Variants in SMC2 observed in about 807,000 individuals in gnomAD.
SMC2 encodes the protein structural maintenance of chromosomes protein 2.
Under a neutral mutation model 142.6 loss-of-function variants are expected in SMC2, and 41 were observed. The observed-to-expected ratio is 0.29, with a 90% CI of 0.22 to 0.37. SMC2 has a LOEUF of 0.37. Among genes scored for constraint, SMC2 ranks in the 10% least tolerant of loss-of-function variants. The pLI, the probability that SMC2 is intolerant of heterozygous loss-of-function variation, is 1.00. For synonymous variants in SMC2, 463 were observed against 457.5 expected (o/e 1.01, Z -0.15); for missense variants, 1,265 against 1,373.7 (o/e 0.92, Z 1.25).
In SMC2 at chr9:104,096,104, G is replaced by T. The variant is rs1450589323; in HGVS notation, c.169-44G>T. Reference sequence around the variant, plus strand: ...CCCATTTTTAGTGCTGCTTTGTACGGTAGGGAGTTTTGTAATTGTTACACT... The same window carrying T: ...CCCATTTTTAGTGCTGCTTTGTACGTTAGGGAGTTTTGTAATTGTTACACT... On this transcript the variant is annotated intron_variant, in intron 2 of 24. Transcript: ENST00000374793. The T allele has an allele frequency of 1.9e-6, 3 of 1,581,224 alleles. No homozygotes were observed. The East Asian group carries it at 6.7e-5, about 35-fold the overall frequency.
At chr9:104,132,869 G>GATTCGTGGACTT (rs1554707997) in intron 22 of SMC2, among the ~76,000 whole-genome samples, 1 of 150,840 alleles carries the variant, frequency 6.6e-6, no homozygotes, top group African/African-American at 2.4e-5. Context: ...TTCCCACCAG[G>GATTCGTGGACTT]ATTCGTGGAC....
At chr9:104,097,854 CAG>C (rs1215553251) in intron 3 of SMC2, among the ~76,000 whole-genome samples, 2 of 152,122 alleles carry the variant, frequency 1.3e-5, no homozygotes, top group African/African-American at 4.8e-5. Context: ...GAATGAGAAA[CAG>C]AGCTTGTCTT....
intron 16 of SMC2, 114 bp downstream of exon 16, chr9:104,120,276 A>G (rs1833582426): frequency 9.9e-7 from 1 of 1,011,312 alleles, no homozygotes; most frequent in East Asian, 2.8e-5. Context: ...TTTTGGTTTT[A>G]TTTAAAATGT....
intron 24 of SMC2, 30 bp from the exon 25 acceptor site, chr9:104,139,109 T>C: frequency 6.7e-7 from 1 of 1,499,930 alleles, no homozygotes; most frequent in Non-Finnish European, 8.9e-7. Context: ...CACAAAAAGT[T>C]TTTTTATACT....
In SMC2 at chr9:104,138,952, T is replaced by A. The variant is rs189856946; in HGVS notation, c.3418-187T>A. 3.4e-3 allele frequency among the ~76,000 whole-genome samples: 524 copies of A among 152,160 alleles called. 1 individual carries two copies. Among genetic ancestry groups the A allele is most frequent in the African/African-American group, 0.012 (505 of 41,504 alleles). On this transcript the variant is annotated intron_variant, in intron 24 of 24. Coordinates refer to ENST00000374793, the MANE Select transcript of SMC2 (RefSeq NM_006444.3). ...ACCAGGAAATAGTAAAATTGGGTAA[T>A]GAAGTACCCAAAGTAAAATTAAGAG...
chr9:104,096,132 TCA>T lies in SMC2; in HGVS notation c.169-15_169-14del, dbSNP rs1205376729. ...GGGAGTTTTGTAATTGTTACACTTT[TCA>T]TATTTTATTTTAGGTTCGGGCTTCT... On this transcript the variant is annotated splice_polypyrimidine_tract_variant and intron_variant, in intron 2 of 24. Transcript: ENST00000374793. The T allele has an allele frequency of 3.7e-6, 6 of 1,608,504 alleles. No homozygotes were observed. Among genetic ancestry groups the T allele is most frequent in the African/African-American group, 2.7e-5 (2 of 74,648 alleles).
chr9:104,111,393 A>ATT (rs1441343021), intron 9 of SMC2, among the ~76,000 whole-genome samples, 188 bp from the exon 10 acceptor site: 1 of 152,212 alleles, frequency 6.6e-6, no homozygotes, highest in African/African-American at 2.4e-5. Flanking sequence ...TAAGAGTTAT[A>ATT]TTTATTCTAA....
upstream of SMC2, chr9:104,094,139 C>G (rs1017143366): frequency 5.3e-6 from 2 of 375,420 alleles, no homozygotes; most frequent in Non-Finnish European, 9.5e-6. Context: ...TGCCCAGGCC[C>G]CTGCCGGGGA....
intron 17 of SMC2, among the ~76,000 whole-genome samples, chr9:104,124,430 G>A (rs1263194134): frequency 2.0e-5 from 3 of 151,946 alleles, no homozygotes; most frequent in Admixed American, 6.6e-5. Flanking sequence ...TTCCTTTGCT[G>A]TATCCCAGGC....
chr9:104,121,943 T>A (rs1833788025), intron 16 of SMC2, among the ~76,000 whole-genome samples: 1 of 152,218 alleles, frequency 6.6e-6, no homozygotes, highest in Non-Finnish European at 1.5e-5. Flanking sequence ...TTAGTAGAGA[T>A]GGAGTTTCAC....
chr9:104,095,466 A>G lies in SMC2; in HGVS notation c.82A>G (p.Asn28Asp). The change falls in exon 2 of 25, where the codon AAT becomes GAT. Residue 28 changes from asparagine to aspartate, a missense_variant. Transcript: ENST00000374793. ...AGTCAATGGTTTTGACCCCCTCTTCAATGCTATCACTGGCTTAAATGGTAG... is the reference window on the plus strand; with the variant it reads ...AGTCAATGGTTTTGACCCCCTCTTCGATGCTATCACTGGCTTAAATGGTAG... Reference protein sequence around the residue: ...TEVNGFDPLFNAITGLNGSGK... With the variant: ...TEVNGFDPLFDAITGLNGSGK... 1 of 1,613,862 alleles carries G rather than the reference A, an allele frequency of 6.2e-7. No homozygotes were observed. Among genetic ancestry groups the G allele is most frequent in the Non-Finnish European group, 8.5e-7 (1 of 1,179,782 alleles).
chr9:104,126,905 C>A, intron 19 of SMC2, 121 bp downstream of exon 19: 1 of 999,796 alleles, frequency 1.0e-6, no homozygotes, highest in Non-Finnish European at 1.4e-6. Flanking sequence ...GAGAATGAGG[C>A]ACAAATAGCT....
Position 104,129,742 on chromosome 9 carries a change from A to C in SMC2, c.2888A>C (p.Lys963Thr), listed in dbSNP as rs774125126. Reference sequence around the variant, plus strand: ...TATGATTTCAAAACTAACAACCCTAAAGAAGCTGGTCAGAGACTTCAGAAG... The same window carrying C: ...TATGATTTCAAAACTAACAACCCTACAGAAGCTGGTCAGAGACTTCAGAAG... ...SAYDFKTNNP[K>T]EAGQRLQKLQ... The change falls in exon 21 of 25, where the codon AAA becomes ACA. Residue 963 changes from lysine to threonine, a missense_variant. Physicochemically the swap from Lys to Thr is moderately conservative, Grantham distance 78 (BLOSUM62 -1). Around this residue, in one of 4 missense-constraint regions of SMC2, gnomAD observed 898 missense variants for 904.2 expected, o/e 0.99. Coordinates refer to ENST00000374793, the MANE Select transcript of SMC2 (RefSeq NM_006444.3). The C allele has an allele frequency of 6.2e-7, 1 of 1,613,920 alleles. No individual in the cohort carries two copies.
chr9:104,095,233 C>T (rs1191265776), intron 1 of SMC2, 91 bp from the exon 2 acceptor site: 2 of 600,296 alleles, frequency 3.3e-6, no homozygotes, highest in Non-Finnish European at 5.9e-6. Context: ...TGTTTTATTT[C>T]TATCACCCTA....
rs1831172917 is a variant in SMC2 at position 104,101,902 on chromosome 9, T to A, written c.637-58T>A. The A allele has an allele frequency of 2.7e-6, 3 of 1,097,762 alleles. No individual in the cohort carries two copies. In the East Asian group the frequency reaches 7.1e-5, roughly 26 times the overall value. The allele number at this position is 1,097,762 out of a possible 1,614,324, so 68.0% of individuals were successfully genotyped here. On this transcript the variant is annotated intron_variant, in intron 7 of 24. Transcript: ENST00000374793. Reference sequence around the variant, plus strand: ...GAGAAATTTGTTTCATCTTGCATAATTGAATTTTTTTTTTAATACAATTTT... The same window carrying A: ...GAGAAATTTGTTTCATCTTGCATAAATGAATTTTTTTTTTAATACAATTTT...
intron 12 of SMC2, 119 bp from the exon 13 acceptor site, chr9:104,114,572 T>G (rs202050944): frequency 0.02 from 18,497 of 915,234 alleles, 1,046 homozygotes; most frequent in African/African-American, 0.18. Flanking sequence ...TAAAACCATT[T>G]TGCTGATTCT....
chr9:104,115,463 G>GACTC (rs1050587601), intron 13 of SMC2, among the ~76,000 whole-genome samples: 1 of 151,704 alleles, frequency 6.6e-6, no homozygotes. Flanking sequence ...GAGTCCTAGC[G>GACTC]ACTCTGGAGG....
intron 14 of SMC2, among the ~76,000 whole-genome samples, chr9:104,116,818 C>T (rs573307565): frequency 2.7e-4 from 41 of 152,208 alleles, no homozygotes; most frequent in African/African-American, 8.7e-4. Flanking sequence ...CAACTGCTGA[C>T]GTTGATCTAA....
chr9:104,100,387 A>G lies in SMC2; in HGVS notation c.592-2A>G. 6.6e-7 allele frequency: 1 copy of G among 1,519,866 alleles called. No individual in the cohort carries two copies. Among genetic ancestry groups the G allele is most frequent in the Non-Finnish European group, 9.1e-7 (1 of 1,099,358 alleles). 94.1% of individuals were successfully genotyped at this position (1,519,866 alleles called of 1,614,324 possible). A position where few individuals can be genotyped will look rare whatever the true frequency, so the allele number is the denominator to read the frequency against. On this transcript the variant is annotated splice_acceptor_variant, in intron 6 of 24. Coordinates refer to ENST00000374793, the MANE Select transcript of SMC2 (RefSeq NM_006444.3). LOFTEE classifies it high-confidence loss of function. ...AAATACTGATTTTTCTTTATTTTCCAGATACTTGAAGAAGAGATTACTCCA... is the reference window on the plus strand; with the variant it reads ...AAATACTGATTTTTCTTTATTTTCCGGATACTTGAAGAAGAGATTACTCCA...
Sources: gnomAD v4.1 joint callset for allele counts (sites outside exome capture counted in the v4.1 genomes callset) on GRCh38, gnomAD v4.1.1 for gene constraint, gnomAD v4.1.1 regional missense constraint, MANE v1.5 for transcripts, NCBI Gene and HGNC (gene_info 2026-07-23, HGNC 2026-07-21) for gene names.